The following NEK10 variants were observed in gnomAD, a reference collection of about 807,000 sequenced individuals.
The protein encoded by NEK10 is NIMA related kinase 10.
Under a neutral mutation model 159.8 loss-of-function variants are expected in NEK10, and 122 were observed. The ratio of observed to expected loss-of-function variants is 0.76; its 90% CI spans 0.66 to 0.89. The LOEUF is 0.89. Among genes scored for constraint, NEK10 ranks in the 40% least tolerant of loss-of-function variants. NEK10 has a pLI of 0.00. For synonymous variants in NEK10, 466 were observed against 457.1 expected (o/e 1.02, Z -0.25); for missense variants, 1,342 against 1,323.1 (o/e 1.01, Z -0.22).
intron 29 of NEK10, among the ~76,000 whole-genome samples, chr3:27,166,377 G>A (rs146178328): frequency 6.6e-6 from 1 of 151,884 alleles, no homozygotes; most frequent in Non-Finnish European, 1.5e-5. Flanking sequence ...CTTACTATGT[G>A]TTTTTTTGTT....
chr3:27,243,830 GGTGTGTGTGT>G (rs56720203), intron 23 of NEK10, among the ~76,000 whole-genome samples: 11 of 148,382 alleles, frequency 7.4e-5, no homozygotes, highest in Admixed American at 3.3e-4. Flanking sequence ...TGACACCATG[GGTGTGTGTGT>G]GTGTGTGTGT....
chr3:27,253,586 T>C (rs1955882606), intron 23 of NEK10, among the ~76,000 whole-genome samples: 1 of 152,136 alleles, frequency 6.6e-6, no homozygotes, highest in Admixed American at 6.5e-5. Flanking sequence ...ACAGAATAAA[T>C]GCTCTGAGGC....
chr3:27,212,294 G>C (rs1435894655), intron 23 of NEK10, among the ~76,000 whole-genome samples: 2 of 152,200 alleles, frequency 1.3e-5, no homozygotes, highest in Non-Finnish European at 2.9e-5. Flanking sequence ...ATATTTCAAA[G>C]TGACTTTTAA....
chr3:27,169,692 A>G, intron 29 of NEK10, among the ~76,000 whole-genome samples: 1 of 152,218 alleles, frequency 6.6e-6, no homozygotes, highest in Admixed American at 6.5e-5. Context: ...TTTGCTGAGC[A>G]GGTTCTTCTG....
At chr3:27,284,739 C>T (rs2042450114) in intron 21 of NEK10, 35 bp from the exon 22 acceptor site, 1 of 1,539,336 alleles carries the variant, frequency 6.5e-7, no homozygotes, top group Non-Finnish European at 9.0e-7. Context: ...ATTTTATTTC[C>T]CCCAACATAC....
chr3:27,143,299 T>C (rs961222945), intron 30 of NEK10: 2 of 480,902 alleles, frequency 4.2e-6, no homozygotes, highest in East Asian at 3.3e-5. Flanking sequence ...TAAAATCATT[T>C]TTATACTATG....
chr3:27,257,476 A>G (rs1956323940), intron 22 of NEK10, among the ~76,000 whole-genome samples: 1 of 152,236 alleles, frequency 6.6e-6, no homozygotes, highest in East Asian at 1.9e-4. Context: ...TATATATACT[A>G]AAATACCTTT....
At chr3:27,284,358 C>G (rs1359731985) in intron 22 of NEK10, among the ~76,000 whole-genome samples, 1 of 152,044 alleles carries the variant, frequency 6.6e-6, no homozygotes, top group African/African-American at 2.4e-5. Flanking sequence ...TGCACTCCAG[C>G]CTGGGTGACA....
chr3:27,329,264 A>G (rs1383031538), intron 5 of NEK10, among the ~76,000 whole-genome samples: 2 of 152,238 alleles, frequency 1.3e-5, no homozygotes, highest in Non-Finnish European at 2.9e-5. Flanking sequence ...ATGTAAGTCC[A>G]TTAAACTTTT....
chr3:27,331,237 C>CAAAAAAAAAAAAAAAAAAAAAAAAAAA (rs11351970), intron 5 of NEK10, among the ~76,000 whole-genome samples: 2 of 29,584 alleles, frequency 6.8e-5, no homozygotes, highest in African/African-American at 1.2e-4. Context: ...GACTCTGTCT[C>CAAAAAAAAAAAAAAAAAAAAAAAAAAA]AAAAAAAAAA....
intron 23 of NEK10, among the ~76,000 whole-genome samples, chr3:27,214,537 T>TTTAC (rs1323405235): frequency 4.2e-5 from 6 of 142,200 alleles, no homozygotes; most frequent in African/African-American, 1.0e-4. Flanking sequence ...GCAGGCAGCT[T>TTTAC]TTACTTTCTT....
At chr3:27,312,225 C>T (rs552647) in intron 7 of NEK10, 48 bp from the exon 8 acceptor site, 1 of 1,137,870 alleles carries the variant, frequency 8.8e-7, no homozygotes, top group South Asian at 1.5e-5. Flanking sequence ...CCAAAAGCAC[C>T]CAAGGAAGCA....
intron 30 of NEK10, among the ~76,000 whole-genome samples, chr3:27,148,281 G>A (rs947834102): frequency 1.1e-4 from 17 of 152,080 alleles, no homozygotes; most frequent in African/African-American, 3.9e-4. Context: ...ATTAATAGAA[G>A]CTTAATGACT....
chr3:27,340,889 T>G (rs2047156111), intron 5 of NEK10, among the ~76,000 whole-genome samples: 1 of 152,174 alleles, frequency 6.6e-6, no homozygotes, highest in Non-Finnish European at 1.5e-5. Flanking sequence ...AAAGGGATAC[T>G]TGCACTCACA....
intron 1 of NEK10, among the ~76,000 whole-genome samples, chr3:27,367,346 C>T (rs563726817): frequency 6.9e-4 from 105 of 152,314 alleles, no homozygotes; most frequent in Non-Finnish European, 1.4e-3. Flanking sequence ...AGCTCTTGCA[C>T]ACCATGCTGT....
Position 27,126,149 on chromosome 3 carries a change from G to A in NEK10, c.3081+5731C>T, listed in dbSNP as rs115928322. ...CACCTAAGCAATCTGCCTACTTGGA[G>A]AAGAGCTGAAAACCTGGAGTTAGGA... is the stretch of plus-strand genomic sequence containing the variant. On this transcript the variant is annotated intron_variant, in intron 32 of 35. Transcript: ENST00000691995. 4.7e-3 allele frequency among the ~76,000 whole-genome samples: 709 copies of A among 152,302 alleles called. 6 individuals are homozygous for A. Among genetic ancestry groups the A allele is most frequent in the African/African-American group, 0.016 (672 of 41,568 alleles).
chr3:27,247,820 C>CTTTTTTTTT (rs111440414), intron 23 of NEK10, among the ~76,000 whole-genome samples: 3 of 125,920 alleles, frequency 2.4e-5, no homozygotes, highest in African/African-American at 5.9e-5. Context: ...CTTTTCTTTT[C>CTTTTTTTTT]TTTTTTTTTT....
chr3:27,155,690 C>T (rs777884824), intron 30 of NEK10, among the ~76,000 whole-genome samples: 6 of 151,960 alleles, frequency 3.9e-5, no homozygotes, highest in East Asian at 1.9e-4. Flanking sequence ...TGAGTAGAAT[C>T]AATATTGTGA....
At chr3:27,269,907 A>G (rs778951433) in intron 22 of NEK10, among the ~76,000 whole-genome samples, 1 of 152,186 alleles carries the variant, frequency 6.6e-6, no homozygotes, top group African/African-American at 2.4e-5. Context: ...TTCCTTTACC[A>G]CAGCAAAATC....
Sources: allele counts gnomAD v4.1 joint callset (sites outside exome capture counted in the v4.1 genomes callset), GRCh38; gene constraint gnomAD v4.1.1; transcripts MANE v1.5; gene names NCBI Gene and HGNC (gene_info 2026-07-23, HGNC 2026-07-21).